Variants in CNTNAP2 observed in about 807,000 individuals in gnomAD.
CNTNAP2 encodes the protein contactin-associated protein-like 2.
In CNTNAP2, 98 loss-of-function variants were observed where a neutral mutation model predicts 155.2. That is an observed-to-expected ratio of 0.63 (90% CI 0.54 to 0.75). The LOEUF is 0.75. Among genes scored for constraint, CNTNAP2 ranks in the 30% least tolerant of loss-of-function variants. The probability of loss-of-function intolerance (pLI) is 0.00; values close to 1 mark genes in which losing one functional copy is unlikely to be tolerated. For missense variants in CNTNAP2, 1,727 were observed against 1,688.1 expected (o/e 1.02, Z -0.40); for synonymous variants, 651 against 631.2 (o/e 1.03, Z -0.47).
rs543543826 is a variant in CNTNAP2 at position 146,758,583 on chromosome 7, A to T, written c.98-15688A>T. On this transcript the variant is annotated intron_variant, in intron 1 of 23. Transcript: ENST00000361727. ...AATCATGGCAGAAGGTGAAAGGCACATCTCACATGGTGGCAGGCAAGAGAA... is the reference window on the plus strand; with the variant it reads ...AATCATGGCAGAAGGTGAAAGGCACTTCTCACATGGTGGCAGGCAAGAGAA... Among the ~76,000 whole-genome samples the T allele has an allele frequency of 3.3e-5, 5 of 152,298 alleles. No individual in the cohort carries two copies. The South Asian group carries it at 1.0e-3, about 32-fold the overall frequency.
intron 1 of CNTNAP2, among the ~76,000 whole-genome samples, chr7:146,332,865 A>G (rs1348017176): frequency 1.3e-5 from 2 of 151,588 alleles, no homozygotes; most frequent in South Asian, 4.2e-4. Flanking sequence ...CAAATTTACT[A>G]TGAGGGGTAA....
chr7:147,174,301 A>G (rs1802291331), intron 8 of CNTNAP2, among the ~76,000 whole-genome samples: 2 of 152,198 alleles, frequency 1.3e-5, no homozygotes, highest in Admixed American at 6.5e-5. Flanking sequence ...ACCTTTTAAT[A>G]AAATGAATGA....
chr7:148,215,248 G>T (rs952950693), intron 18 of CNTNAP2, among the ~76,000 whole-genome samples: 1 of 151,880 alleles, frequency 6.6e-6, no homozygotes, highest in African/African-American at 2.4e-5. Flanking sequence ...GGGAGGTGAA[G>T]ACAAAAGTTT....
intron 14 of CNTNAP2, among the ~76,000 whole-genome samples, chr7:147,905,879 G>A (rs1297782234): frequency 1.3e-5 from 2 of 149,924 alleles, no homozygotes; most frequent in Non-Finnish European, 3.0e-5. Flanking sequence ...TAACAAGAGT[G>A]AAACTCCATC....
chr7:147,209,523 C>T (rs1803094663), intron 8 of CNTNAP2, among the ~76,000 whole-genome samples: 1 of 151,968 alleles, frequency 6.6e-6, no homozygotes, highest in Non-Finnish European at 1.5e-5. Flanking sequence ...AGAATCAGAT[C>T]ATCAGTGAAG....
intron 3 of CNTNAP2, among the ~76,000 whole-genome samples, chr7:146,862,101 C>T (rs533675670): frequency 3.3e-5 from 5 of 152,208 alleles, no homozygotes; most frequent in South Asian, 4.1e-4. Flanking sequence ...GATGCAGGCG[C>T]GGTCGATGGC....
intron 13 of CNTNAP2, among the ~76,000 whole-genome samples, chr7:147,764,953 T>C (rs1472930973): frequency 2.0e-5 from 3 of 152,186 alleles, no homozygotes; most frequent in Non-Finnish European, 2.9e-5. Context: ...GAGCCCTCTT[T>C]TGTGGCTTTT....
At chr7:147,810,096 T>A (rs948405834) in intron 13 of CNTNAP2, among the ~76,000 whole-genome samples, 1 of 152,224 alleles carries the variant, frequency 6.6e-6, no homozygotes, top group African/African-American at 2.4e-5. Flanking sequence ...TTCTTGTAAG[T>A]ACTTTGTATG....
chr7:146,452,316 G>A (rs1275376297), intron 1 of CNTNAP2, among the ~76,000 whole-genome samples: 1 of 152,042 alleles, frequency 6.6e-6, no homozygotes, highest in Non-Finnish European at 1.5e-5. Flanking sequence ...GGTTTAAAAA[G>A]CATGATACTC....
intron 10 of CNTNAP2, among the ~76,000 whole-genome samples, chr7:147,416,538 C>G (rs1279180489): frequency 1.3e-5 from 2 of 152,186 alleles, no homozygotes; most frequent in Admixed American, 6.5e-5. Flanking sequence ...TCCACAGTCC[C>G]CTTTGTTTCA....
chr7:147,157,669 G>T (rs1322747125), intron 8 of CNTNAP2, among the ~76,000 whole-genome samples: 8 of 151,854 alleles, frequency 5.3e-5, no homozygotes, highest in African/African-American at 1.9e-4. Context: ...TGAAAATTAG[G>T]CTTCCACATC....
chr7:146,552,710 A>G (rs1221183579), intron 1 of CNTNAP2, among the ~76,000 whole-genome samples: 2 of 151,824 alleles, frequency 1.3e-5, no homozygotes, highest in African/African-American at 2.4e-5. Flanking sequence ...TTGTGCCCCC[A>G]TTATCTCCCT....
intron 1 of CNTNAP2, among the ~76,000 whole-genome samples, chr7:146,265,378 T>C (rs2129082394): frequency 6.6e-6 from 1 of 152,198 alleles, no homozygotes; most frequent in Middle Eastern, 3.4e-3. Context: ...GTCAACAGAG[T>C]TGGAAATTGT....
chr7:146,813,457 A>G (rs1420079698), intron 2 of CNTNAP2, among the ~76,000 whole-genome samples: 2 of 152,188 alleles, frequency 1.3e-5, no homozygotes, highest in Non-Finnish European at 2.9e-5. Context: ...TCAGAGTTGC[A>G]TAGGGCCTAT....
chr7:146,134,691 C>T (rs1305039404), intron 1 of CNTNAP2, among the ~76,000 whole-genome samples: 1 of 150,270 alleles, frequency 6.7e-6, no homozygotes, highest in East Asian at 2.0e-4. Flanking sequence ...GTCTTTGGCT[C>T]TGTTTATATG....
chr7:148,101,410 A>G (rs1804097584), intron 15 of CNTNAP2, among the ~76,000 whole-genome samples: 1 of 151,222 alleles, frequency 6.6e-6, no homozygotes, highest in Non-Finnish European at 1.5e-5. Context: ...TACTTGAGGT[A>G]GAAGGTAAAA....
chr7:147,037,699 G>GA (rs1288471096), intron 3 of CNTNAP2, among the ~76,000 whole-genome samples: 1 of 151,756 alleles, frequency 6.6e-6, no homozygotes, highest in Non-Finnish European at 1.5e-5. Flanking sequence ...TTCCTGATTT[G>GA]AAAAAATAGC....
chr7:148,256,448 C>T lies in CNTNAP2; in HGVS notation c.3382-10585C>T, dbSNP rs1010182568. 5.9e-5 allele frequency among the ~76,000 whole-genome samples: 9 copies of T among 152,254 alleles called. No individual in the cohort carries two copies. In the South Asian group the frequency reaches 1.0e-3, roughly 18 times the overall value. On this transcript the variant is annotated intron_variant, in intron 20 of 23. Coordinates refer to ENST00000361727, the MANE Select transcript of CNTNAP2 (RefSeq NM_014141.6). The stretch of plus-strand genomic sequence containing the variant: ...TAACTTGATAAACATCCATTTAACA[C>T]GTGGCAGAGCCAGGGCCCATCTCCT...
intron 1 of CNTNAP2, among the ~76,000 whole-genome samples, chr7:146,773,359 A>ATGGTTATTC (rs1302046473): frequency 6.6e-6 from 1 of 152,102 alleles, no homozygotes; most frequent in Non-Finnish European, 1.5e-5. Flanking sequence ...TTTCAAGTTG[A>ATGGTTATTC]TGGTTATTCT....
Sources: allele counts gnomAD v4.1 joint callset (sites outside exome capture counted in the v4.1 genomes callset), GRCh38; gene constraint gnomAD v4.1.1; transcripts MANE v1.5; gene names NCBI Gene and HGNC (gene_info 2026-07-23, HGNC 2026-07-21).